Variants in TTC39B observed in about 807,000 individuals in gnomAD.
TTC39B encodes the protein tetratricopeptide repeat protein 39B.
TTC39B carries 92 observed loss-of-function variants against 96.6 expected under a neutral mutation model. The observed-to-expected ratio is 0.95, with a 90% CI of 0.80 to 1.13. The LOEUF is 1.13. Among genes scored for constraint, TTC39B ranks in the 50% most tolerant of loss-of-function variants. TTC39B has a pLI of 0.00. For missense variants in TTC39B, 955 were observed against 809.3 expected (o/e 1.18, Z -2.18); for synonymous variants, 367 against 299.4 (o/e 1.23, Z -2.33).
intron 1 of TTC39B, among the ~76,000 whole-genome samples, chr9:15,301,197 TC>T (rs1824575225): frequency 6.6e-6 from 1 of 152,218 alleles, no homozygotes; most frequent in Non-Finnish European, 1.5e-5. Context: ...AAGCCAATCA[TC>T]CCTGTTTGTA....
intron 1 of TTC39B, among the ~76,000 whole-genome samples, chr9:15,276,328 A>T (rs1256770906): frequency 6.6e-6 from 1 of 152,122 alleles, no homozygotes. Flanking sequence ...CTTCCTTAGT[A>T]TCCCTATAGA....
intron 1 of TTC39B, among the ~76,000 whole-genome samples, chr9:15,297,584 A>G (rs62570851): frequency 0.16 from 24,120 of 151,626 alleles, 3,461 homozygotes; most frequent in African/African-American, 0.39. Flanking sequence ...CCATATTTCT[A>G]ACTGCCTTTT....
intron 3 of TTC39B, among the ~76,000 whole-genome samples, chr9:15,221,914 T>C (rs1245548731): frequency 6.6e-6 from 1 of 152,236 alleles, no homozygotes; most frequent in Non-Finnish European, 1.5e-5. Flanking sequence ...TTGCCCAATA[T>C]GTCTCTAATA....
intron 1 of TTC39B, among the ~76,000 whole-genome samples, chr9:15,271,664 G>T (rs980784262): frequency 9.9e-5 from 15 of 152,284 alleles, no homozygotes; most frequent in African/African-American, 3.4e-4. Context: ...GTTCCTAACA[G>T]GCTACAGACC....
intron 11 of TTC39B, among the ~76,000 whole-genome samples, chr9:15,190,227 T>G (rs1818778506): frequency 1.3e-5 from 2 of 152,224 alleles, no homozygotes. Context: ...AGGACACTAT[T>G]TTCTACCTTT....
intron 6 of TTC39B, among the ~76,000 whole-genome samples, chr9:15,207,032 C>T (rs981187328): frequency 2.6e-5 from 4 of 152,232 alleles, no homozygotes; most frequent in Non-Finnish European, 5.9e-5. Context: ...TCCTCCTACA[C>T]GCACTTCTCC....
intron 5 of TTC39B, 144 bp downstream of exon 5, chr9:15,211,122 C>A (rs376689002): frequency 1.1e-6 from 1 of 880,132 alleles, no homozygotes; most frequent in Non-Finnish European, 1.6e-6. Context: ...AAATGGGAAT[C>A]CTTCAGCTTC....
exon 20 of TTC39B, chr9:15,163,838 C>T (rs1379642814): frequency 6.6e-6 from 1 of 152,136 alleles, no homozygotes; most frequent in African/African-American, 2.4e-5. Flanking sequence ...TCTAAGATGA[C>T]ATCTGTTTTC....
rs1821875701 is a variant in TTC39B at position 15,238,201 on chromosome 9, A to G, written c.276-12189T>C. Among the ~76,000 whole-genome samples the G allele has an allele frequency of 3.9e-5, 6 of 152,308 alleles. No individual in the cohort carries two copies. The South Asian group carries it at 1.2e-3, about 32-fold the overall frequency. ...TGAAACATTTCCCCTAAGGACTGAAACAAATGAGGACACCCACTTTCACCA... is the reference window on the plus strand; with the variant it reads ...TGAAACATTTCCCCTAAGGACTGAAGCAAATGAGGACACCCACTTTCACCA... On this transcript the variant is annotated intron_variant, in intron 2 of 19. Coordinates refer to ENST00000512701, the Ensembl canonical transcript of TTC39B.
intron 3 of TTC39B, chr9:15,224,424 G>A (rs1391364868): frequency 2.0e-5 from 3 of 152,256 alleles, no homozygotes. Flanking sequence ...TTGTTTGAAC[G>A]GTCACTGTCT....
intron 1 of TTC39B, among the ~76,000 whole-genome samples, chr9:15,286,777 T>G (rs1485382731): frequency 6.6e-6 from 1 of 152,180 alleles, no homozygotes; most frequent in Non-Finnish European, 1.5e-5. Flanking sequence ...GTCTTCCATC[T>G]CCCTCATTTA....
At chr9:15,205,879 G>A (rs1293566737) in intron 6 of TTC39B, among the ~76,000 whole-genome samples, 1 of 152,100 alleles carries the variant, frequency 6.6e-6, no homozygotes, top group African/African-American at 2.4e-5. Flanking sequence ...GGAAAGCCAA[G>A]AGCACCTTCA....
At chr9:15,226,280 G>T (rs1355801824) in intron 2 of TTC39B, among the ~76,000 whole-genome samples, 1 of 152,118 alleles carries the variant, frequency 6.6e-6, no homozygotes, top group Non-Finnish European at 1.5e-5. Flanking sequence ...CCAAAGATAG[G>T]ATTGTATCTT....
rs531280787 is a variant in TTC39B at position 15,284,589 on chromosome 9, T to G, written c.241-16641A>C. 4.3e-4 allele frequency among the ~76,000 whole-genome samples: 65 copies of G among 152,310 alleles called. 1 individual carries two copies. The South Asian group carries it at 0.012, about 29-fold the overall frequency. ...TCTAAAATATATTAAGTGAAAAACGTAATCCTGGGAAAGGTGTAGGGTACA... is the reference window on the plus strand; with the variant it reads ...TCTAAAATATATTAAGTGAAAAACGGAATCCTGGGAAAGGTGTAGGGTACA... On this transcript the variant is annotated intron_variant, in intron 1 of 19. Transcript: ENST00000512701.
intron 2 of TTC39B, among the ~76,000 whole-genome samples, chr9:15,258,366 G>T: frequency 6.6e-6 from 1 of 152,178 alleles, no homozygotes; most frequent in East Asian, 1.9e-4. Context: ...ATGGGTGGAT[G>T]GTGGGTGGAG....
intron 3 of TTC39B, among the ~76,000 whole-genome samples, chr9:15,220,252 T>C (rs892636476): frequency 1.3e-5 from 2 of 152,088 alleles, no homozygotes; most frequent in Admixed American, 6.5e-5. Context: ...TGGCAAGAAG[T>C]CTCAGGTCTA....
intron 1 of TTC39B, among the ~76,000 whole-genome samples, chr9:15,293,516 G>A (rs1031836811): frequency 5.3e-5 from 8 of 152,106 alleles, no homozygotes; most frequent in Non-Finnish European, 7.4e-5. Flanking sequence ...ACATCAGAAT[G>A]GCTGATGTTA....
chr9:15,256,046 A>T (rs1016193661), intron 2 of TTC39B, among the ~76,000 whole-genome samples: 18 of 152,194 alleles, frequency 1.2e-4, no homozygotes, highest in African/African-American at 4.1e-4. Flanking sequence ...CAAAATTCAT[A>T]TGTTGAAACC....
intron 3 of TTC39B, among the ~76,000 whole-genome samples, chr9:15,216,690 C>T (rs1009244038): frequency 1.3e-5 from 2 of 152,196 alleles, no homozygotes; most frequent in African/African-American, 4.8e-5. Flanking sequence ...CTTTCCCCAT[C>T]GCCTACCTCT....
Sources: gnomAD v4.1 joint callset for allele counts (sites outside exome capture counted in the v4.1 genomes callset) on GRCh38, gnomAD v4.1.1 for gene constraint, MANE v1.5 for transcripts, NCBI Gene and HGNC (gene_info 2026-07-23, HGNC 2026-07-21) for gene names.